ANKFN1: variants seen among roughly 807,000 people sequenced by gnomAD.
The protein encoded by ANKFN1 is ankyrin repeat and fibronectin type-III domain-containing protein 1.
A neutral mutation model predicts 108.7 loss-of-function variants in ANKFN1; 74 were observed. That is an observed-to-expected ratio of 0.68 (90% confidence interval 0.56 to 0.83). The LOEUF is 0.83. Among genes scored for constraint, ANKFN1 ranks in the 40% least tolerant of loss-of-function variants. The pLI is 0.00. For synonymous variants in ANKFN1, 547 were observed against 516.2 expected, an observed-to-expected ratio of 1.06 and a Z score of -0.81; for missense variants, 1,505 against 1,382.3, an observed-to-expected ratio of 1.09 and a Z score of -1.41.
intron 1 of ANKFN1, among the ~76,000 whole-genome samples, chr17:56,189,170 CTTTTT>C (rs532063852): frequency 1.2e-5 from 1 of 85,284 alleles, no homozygotes; most frequent in African/African-American, 6.8e-5. Context: ...GTTGCCCTGA[CTTTTT>C]TTTTTTTTTT....
intron 4 of ANKFN1, among the ~76,000 whole-genome samples, chr17:56,102,973 T>G (rs1905675810): frequency 6.6e-6 from 1 of 152,230 alleles, no homozygotes. Context: ...GGATGTTTGA[T>G]AATTAAATAT....
At chr17:56,504,693 T>G (rs1269755972) in intron 20 of ANKFN1, among the ~76,000 whole-genome samples, 1 of 152,102 alleles carries the variant, frequency 6.6e-6, no homozygotes, top group Non-Finnish European at 1.5e-5. Flanking sequence ...ATTTACTCTG[T>G]TGCCCAGGCT....
At chr17:56,144,186 C>CTA (rs1908114309) in intron 4 of ANKFN1, among the ~76,000 whole-genome samples, 3 of 16,778 alleles carry the variant, frequency 1.8e-4, no homozygotes, top group South Asian at 4.8e-3. Context: ...AAAAAAAAAA[C>CTA]AGCCCAAACC....
intron 1 of ANKFN1, chr17:56,185,054 G>A (rs1265540885): frequency 6.6e-6 from 1 of 152,112 alleles, no homozygotes; most frequent in Admixed American, 6.5e-5. Flanking sequence ...CTTTTTTGTG[G>A]AGAATCCGCC....
At chr17:56,182,548 A>C (rs1483145606) in intron 1 of ANKFN1, among the ~76,000 whole-genome samples, 1 of 152,230 alleles carries the variant, frequency 6.6e-6, no homozygotes, top group East Asian at 1.9e-4. Context: ...GCTGCAGAAG[A>C]ATCATTTGAA....
At chr17:56,218,221 C>T (rs1915575848) in intron 2 of ANKFN1, among the ~76,000 whole-genome samples, 1 of 147,142 alleles carries the variant, frequency 6.8e-6, no homozygotes, top group African/African-American at 2.5e-5. Flanking sequence ...CCCTCCCTCC[C>T]TCCCCTCTTC....
At chr17:56,345,750 G>C (rs1458025612) in intron 4 of ANKFN1, among the ~76,000 whole-genome samples, 3 of 151,882 alleles carry the variant, frequency 2.0e-5, no homozygotes, top group African/African-American at 7.3e-5. Flanking sequence ...TTTTTTTCTT[G>C]TAAATTTATT....
At chr17:56,342,908 T>C (rs1490014614) in intron 4 of ANKFN1, among the ~76,000 whole-genome samples, 1 of 152,052 alleles carries the variant, frequency 6.6e-6, no homozygotes, top group Non-Finnish European at 1.5e-5. Context: ...CCCACTGTTA[T>C]TGTGTGGGAG....
At chr17:56,435,748 GT>G (rs11424978) in intron 8 of ANKFN1, among the ~76,000 whole-genome samples, 60 of 149,652 alleles carry the variant, frequency 4.0e-4, no homozygotes, top group African/African-American at 1.3e-3. Context: ...TTTATGAGGT[GT>G]TTTTTTTTTG....
chr17:56,456,434 C>T (rs2049701172), intron 11 of ANKFN1, among the ~76,000 whole-genome samples: 1 of 122,028 alleles, frequency 8.2e-6, no homozygotes, highest in South Asian at 2.6e-4. Flanking sequence ...TACGGATTCT[C>T]GCTCTGTCGC....
chr17:56,498,961 G>GA lies in ANKFN1; in HGVS notation c.2507_2508insA (p.Pro838AlafsTer4), dbSNP rs769857627. The stretch of plus-strand genomic sequence containing the variant: ...GCAAGATACAAACAACCAGTTTCTG[G>GA]CTTGCCCATCACTAAGCTGATAGAC... On this transcript the variant is annotated frameshift_variant, in exon 20 of 21. Coordinates refer to ENST00000682825, the MANE Select transcript of ANKFN1 (RefSeq NM_001370326.1). LOFTEE classifies it high-confidence loss of function. The GA allele has an allele frequency of 5.9e-6, 9 of 1,535,726 alleles. No homozygotes were observed. In the South Asian group the frequency reaches 1.1e-4, roughly 18 times the overall value.
intron 4 of ANKFN1, among the ~76,000 whole-genome samples, chr17:56,098,137 GA>G (rs1905568007): frequency 6.6e-6 from 1 of 152,110 alleles, no homozygotes; most frequent in African/African-American, 2.4e-5. Flanking sequence ...ACAAGTCAAA[GA>G]ATTGCTGACA....
chr17:56,427,248 A>G (rs1316980021), intron 8 of ANKFN1, among the ~76,000 whole-genome samples: 1 of 152,110 alleles, frequency 6.6e-6, no homozygotes, highest in African/African-American at 2.4e-5. Context: ...AGAGAGAGAA[A>G]CAGGTGACTA....
intron 4 of ANKFN1, among the ~76,000 whole-genome samples, chr17:56,343,045 T>C (rs577813000): frequency 6.6e-6 from 1 of 152,180 alleles, no homozygotes; most frequent in Admixed American, 6.6e-5. Context: ...TTTACCATTA[T>C]GTAATGTCTT....
chr17:56,412,988 A>G (rs2048139952), intron 8 of ANKFN1, among the ~76,000 whole-genome samples: 1 of 152,070 alleles, frequency 6.6e-6, no homozygotes, highest in African/African-American at 2.4e-5. Flanking sequence ...AGTTTTGTTA[A>G]TCTTTTCTAT....
At chr17:56,229,915 C>A (rs564942451) in intron 3 of ANKFN1, among the ~76,000 whole-genome samples, 3 of 152,180 alleles carry the variant, frequency 2.0e-5, no homozygotes, top group South Asian at 2.1e-4. Flanking sequence ...GTTGGTCTGA[C>A]CCATGGAGTC....
intron 4 of ANKFN1, among the ~76,000 whole-genome samples, chr17:56,140,714 G>A (rs1422651893): frequency 6.6e-6 from 1 of 152,096 alleles, no homozygotes; most frequent in Non-Finnish European, 1.5e-5. Flanking sequence ...TTAGCATCTG[G>A]TTAGAGCACT....
intron 18 of ANKFN1, among the ~76,000 whole-genome samples, chr17:56,483,513 C>T (rs1210889130): frequency 6.6e-6 from 1 of 152,146 alleles, no homozygotes; most frequent in Non-Finnish European, 1.5e-5. Context: ...TTTCCTTGGT[C>T]CAAGCACTTC....
At position 56,225,968 on chromosome 17, in the gene ANKFN1, C is replaced by T. The variant is rs1598270677; in HGVS notation, c.13-1949C>T. Among the ~76,000 whole-genome samples, 3 of 152,246 alleles carry T rather than the reference C, an allele frequency of 2.0e-5. No homozygotes were observed. In the East Asian group the frequency reaches 5.8e-4, roughly 29 times the overall value. On this transcript the variant is annotated intron_variant, in intron 2 of 20. Coordinates refer to ENST00000682825, the MANE Select transcript of ANKFN1 (RefSeq NM_001370326.1). ...TTTTCTTTGTGAATACTTTTGTGGCCAAAGAACGCATTATGTGAGGCAGCA... is the reference window on the plus strand; with the variant it reads ...TTTTCTTTGTGAATACTTTTGTGGCTAAAGAACGCATTATGTGAGGCAGCA...
Sources: gnomAD v4.1 joint callset for allele counts (sites outside exome capture counted in the v4.1 genomes callset) on GRCh38, gnomAD v4.1.1 for gene constraint, MANE v1.5 for transcripts, NCBI Gene and HGNC (gene_info 2026-07-23, HGNC 2026-07-21) for gene names.